PI4KA: variants seen among roughly 807,000 people sequenced by gnomAD.
The protein encoded by PI4KA is phosphatidylinositol 4-kinase alpha, also known as PI4-kinase alpha.
A neutral mutation model predicts 271.4 loss-of-function variants in PI4KA; 122 were observed. That is an observed-to-expected ratio of 0.45 (90% CI 0.39 to 0.52). The LOEUF (loss-of-function observed/expected upper bound fraction) is 0.52. PI4KA is among the 20% of genes least tolerant of loss of function. The pLI, the probability that PI4KA is intolerant of heterozygous loss-of-function variation, is 0.00. For missense variants in PI4KA, 1,969 were observed against 2,769.1 expected, an observed-to-expected ratio of 0.71 and a Z score of 6.48; for synonymous variants, 1,041 against 1,078.8, an observed-to-expected ratio of 0.96 and a Z score of 0.69.
intron 4 of PI4KA, among the ~76,000 whole-genome samples, chr22:20,823,579 C>A (rs1922990933): frequency 6.6e-6 from 1 of 152,124 alleles, no homozygotes; most frequent in African/African-American, 2.4e-5. Flanking sequence ...TGTAACATTT[C>A]TATCAAAATT....
intron 4 of PI4KA, among the ~76,000 whole-genome samples, chr22:20,820,967 T>C (rs1237961708): frequency 6.6e-6 from 1 of 152,234 alleles, no homozygotes; most frequent in African/African-American, 2.4e-5. Context: ...TTTTCAACCG[T>C]ATTCTTCATG....
At chr22:20,756,979 C>G (rs1020362686) in intron 23 of PI4KA, among the ~76,000 whole-genome samples, 4 of 152,162 alleles carry the variant, frequency 2.6e-5, no homozygotes, top group Non-Finnish European at 5.9e-5. Flanking sequence ...CTCTTAACCC[C>G]TTAGTTTAGC....
chr22:20,713,653 G>C (rs188018262), intron 47 of PI4KA, among the ~76,000 whole-genome samples: 432 of 152,378 alleles, frequency 2.8e-3, no homozygotes, highest in Non-Finnish European at 3.6e-3. Context: ...CTGCAGTGAA[G>C]ACCCAGGTGT....
At chr22:20,807,106 C>A (rs952460946) in intron 10 of PI4KA, among the ~76,000 whole-genome samples, 1 of 152,184 alleles carries the variant, frequency 6.6e-6, no homozygotes, top group Admixed American at 6.5e-5. Flanking sequence ...ATATAACATG[C>A]ACATTTTAGA....
intron 1 of PI4KA, among the ~76,000 whole-genome samples, chr22:20,839,207 ACT>A (rs361768): frequency 0.32 from 48,036 of 151,910 alleles, 7,786 homozygotes; most frequent in East Asian, 0.43. Context: ...ACACAACAAG[ACT>A]CTGTCTCAAA....
intron 1 of PI4KA, among the ~76,000 whole-genome samples, chr22:20,847,652 T>C (rs1481277105): frequency 4.0e-5 from 6 of 151,360 alleles, no homozygotes; most frequent in Non-Finnish European, 4.4e-5. Flanking sequence ...GAGACTGAGG[T>C]GGGAGGACTG....
At chr22:20,803,479 A>T (rs543280708) in intron 12 of PI4KA, among the ~76,000 whole-genome samples, 159 bp from the exon 13 acceptor site, 2 of 152,256 alleles carry the variant, frequency 1.3e-5, no homozygotes, top group East Asian at 3.9e-4. Context: ...AAAAAGATGG[A>T]AGCGATGGTG....
chr22:20,841,182 C>A (rs1039539007), intron 1 of PI4KA, among the ~76,000 whole-genome samples: 54 of 152,114 alleles, frequency 3.5e-4, no homozygotes, highest in Non-Finnish European at 5.7e-4. Flanking sequence ...ACCCTGCCAC[C>A]AAGGCTTTCT....
At chr22:20,759,491 T>A (rs1384232240) in intron 23 of PI4KA, among the ~76,000 whole-genome samples, 2 of 147,012 alleles carry the variant, frequency 1.4e-5, no homozygotes, top group African/African-American at 5.0e-5. Flanking sequence ...TCAACCTCCG[T>A]CTCCCAGGTT....
rs750081135 is a variant in PI4KA, at chr22:20,824,416, T to C, written c.368-2A>G. On this transcript the variant is annotated splice_acceptor_variant, in intron 3 of 54. Transcript: ENST00000255882. LOFTEE classifies it high-confidence loss of function. ...AGCTCTCTGCAACCGGGAGGGCACC[T>C]GGAAGATGTAAAAACATAAATCAGA... 1 of 1,608,730 alleles carries C rather than the reference T, an allele frequency of 6.2e-7. No individual in the cohort carries two copies. The highest frequency in any genetic ancestry group is 8.5e-7 in the Non-Finnish European group (1 of 1,176,336).
intron 1 of PI4KA, among the ~76,000 whole-genome samples, chr22:20,845,795 T>A (rs1312468642): frequency 6.6e-6 from 1 of 151,612 alleles, no homozygotes; most frequent in Admixed American, 6.6e-5. Context: ...AGCCTAGGAG[T>A]TAGAGGCTGC....
rs1569090058 is a variant in PI4KA, at chr22:20,838,751, C to A, written c.157-20G>T. The A allele has an allele frequency of 2.2e-6, 3 of 1,381,904 alleles. No individual in the cohort carries two copies. Among genetic ancestry groups the A allele is most frequent in the Non-Finnish European group, 2.1e-6 (2 of 972,100 alleles). The allele number at this position is 1,381,904 out of a possible 1,614,324, so 85.6% of individuals were successfully genotyped here. ...TTGGACCTAGAAAATGAGACCCCCC[C>A]AAAAACAGCTCTACAAAATAGAAAA... On this transcript the variant is annotated intron_variant, in intron 1 of 54. Coordinates refer to ENST00000255882, the MANE Select transcript of PI4KA (RefSeq NM_058004.4).
intron 1 of PI4KA, among the ~76,000 whole-genome samples, chr22:20,854,461 A>C (rs182083717): frequency 2.0e-5 from 3 of 152,088 alleles, no homozygotes; most frequent in African/African-American, 4.8e-5. Context: ...ACAGAGCAGT[A>C]ATAGGCTTGG....
At chr22:20,712,927 A>C in intron 48 of PI4KA, 130 bp from the exon 49 acceptor site, 5 of 1,296,260 alleles carry the variant, frequency 3.9e-6, no homozygotes, top group Non-Finnish European at 5.3e-6. Flanking sequence ...GCCGAGCAAG[A>C]GTCTGGAAGG....
chr22:20,770,997 T>C (rs564256764), intron 19 of PI4KA, among the ~76,000 whole-genome samples: 20 of 152,114 alleles, frequency 1.3e-4, no homozygotes, highest in South Asian at 1.0e-3. Flanking sequence ...TTGGCCAACA[T>C]AGTGAGACCC....
chr22:20,843,834 A>G (rs947440035), intron 1 of PI4KA, among the ~76,000 whole-genome samples: 1 of 152,072 alleles, frequency 6.6e-6, no homozygotes, highest in African/African-American at 2.4e-5. Flanking sequence ...TATACCTTCA[A>G]TGGTTCCCCA....
At chr22:20,754,368 G>A (rs781736273) in intron 23 of PI4KA, among the ~76,000 whole-genome samples, 5 of 152,064 alleles carry the variant, frequency 3.3e-5, no homozygotes, top group African/African-American at 9.7e-5. Flanking sequence ...GATTACAGGC[G>A]TGAGCCACTA....
intron 5 of PI4KA, 70 bp from the exon 6 acceptor site, chr22:20,819,970 T>C: frequency 1.5e-6 from 2 of 1,316,628 alleles, no homozygotes; most frequent in Non-Finnish European, 2.1e-6. Flanking sequence ...AAGTACTAAC[T>C]TGTAACATTG....
At chr22:20,837,758 A>G (rs1925039365) in intron 2 of PI4KA, among the ~76,000 whole-genome samples, 1 of 152,156 alleles carries the variant, frequency 6.6e-6, no homozygotes, top group Admixed American at 6.6e-5. Context: ...CACATACACA[A>G]CAGTCACACT....
Sources: gnomAD v4.1 joint callset for allele counts (sites outside exome capture counted in the v4.1 genomes callset) on GRCh38, gnomAD v4.1.1 for gene constraint, MANE v1.5 for transcripts, NCBI Gene and HGNC (gene_info 2026-07-23, HGNC 2026-07-21) for gene names.